Variants in PIP5K1B observed in about 807,000 individuals in gnomAD.
PIP5K1B encodes phosphatidylinositol 4-phosphate 5-kinase type-1 beta.
A neutral mutation model predicts 67.0 loss-of-function variants in PIP5K1B; 42 were observed. The observed-to-expected ratio is 0.63, with a 90% confidence interval of 0.49 to 0.81. The LOEUF (loss-of-function observed/expected upper bound fraction) is 0.81. Ranked by LOEUF, PIP5K1B falls within the 30% of genes least tolerant of loss-of-function variation. PIP5K1B has a pLI of 0.00. For synonymous variants in PIP5K1B, 214 were observed against 231.4 expected (o/e 0.92, Z 0.68); for missense variants, 459 against 646.3 (o/e 0.71, Z 3.14).
In PIP5K1B at chr9:68,960,818, A is replaced by AGGTTAT. The variant is rs1198455586; in HGVS notation, c.1502+20029_1502+20034dup. 2.6e-5 allele frequency among the ~76,000 whole-genome samples: 4 copies of AGGTTAT among 152,166 alleles called. No homozygotes were observed. The South Asian group carries it at 6.2e-4, about 24-fold the overall frequency. ...CATTTTCTAATCCCTGCATAATCTT[A>AGGTTAT]GGTTATTCTAGTTAGCTTTTTTCGA... On this transcript the variant is annotated intron_variant, in intron 14 of 15. Transcript: ENST00000265382.
chr9:68,942,485 GGTAA>G (rs138731592), intron 14 of PIP5K1B, among the ~76,000 whole-genome samples: 1,659 of 152,120 alleles, frequency 0.011, 29 homozygotes, highest in African/African-American at 0.037. Flanking sequence ...TGGTGGTGGT[GGTAA>G]GTATCCAGTC....
intron 4 of PIP5K1B, among the ~76,000 whole-genome samples, chr9:68,851,566 C>A (rs1382165507): frequency 1.3e-5 from 2 of 152,116 alleles, no homozygotes; most frequent in African/African-American, 4.8e-5. Flanking sequence ...CGGGAGTAAC[C>A]GGTTTTAGCT....
At chr9:68,769,084 C>A (rs1830565087) in intron 2 of PIP5K1B, among the ~76,000 whole-genome samples, 1 of 152,062 alleles carries the variant, frequency 6.6e-6, no homozygotes, top group East Asian at 1.9e-4. Flanking sequence ...GTAATGCATC[C>A]CTATTTCCCC....
intron 8 of PIP5K1B, among the ~76,000 whole-genome samples, chr9:68,916,611 C>T (rs1370792297): frequency 1.3e-5 from 2 of 152,124 alleles, no homozygotes; most frequent in African/African-American, 4.8e-5. Flanking sequence ...CGGTGGCTCA[C>T]ACCTGTAATC....
chr9:68,969,705 C>G (rs1159422829), intron 14 of PIP5K1B, among the ~76,000 whole-genome samples: 1 of 152,160 alleles, frequency 6.6e-6, no homozygotes, highest in Non-Finnish European at 1.5e-5. Context: ...TCCTCCCACC[C>G]GAGGCCCTTC....
chr9:68,797,478 G>A (rs115306613), intron 2 of PIP5K1B, among the ~76,000 whole-genome samples: 1,736 of 152,262 alleles, frequency 0.011, 43 homozygotes, highest in African/African-American at 0.039. Flanking sequence ...TGTTGGTGAT[G>A]GTGGTAGTGT....
rs572285863 is a variant in PIP5K1B at position 68,930,042 on chromosome 9, G to A, written c.1202-4848G>A. 1.3e-3 allele frequency among the ~76,000 whole-genome samples: 203 copies of A among 152,288 alleles called. 6 individuals carry two copies. Among genetic ancestry groups the A allele is most frequent in the South Asian group, 1.7e-3 (8 of 4,828 alleles). ...AGTTCTCTGTGAAATAACGCTCTTC[G>A]CTTGTCTTTCGTAACTCAGGACTTC... On this transcript the variant is annotated intron_variant, in intron 12 of 15. Coordinates refer to ENST00000265382, the MANE Select transcript of PIP5K1B (RefSeq NM_003558.4).
chr9:68,750,642 G>A (rs1829577421), intron 2 of PIP5K1B, among the ~76,000 whole-genome samples: 1 of 152,222 alleles, frequency 6.6e-6, no homozygotes, highest in Non-Finnish European at 1.5e-5. Flanking sequence ...AGACACAGCA[G>A]TGAATAAAAT....
intron 2 of PIP5K1B, among the ~76,000 whole-genome samples, chr9:68,793,808 T>C (rs1472667221): frequency 2.0e-5 from 3 of 152,176 alleles, no homozygotes; most frequent in Non-Finnish European, 4.4e-5. Context: ...AAATACACAA[T>C]TGTGAGTCAT....
chr9:68,869,003 A>T (rs1002171211), intron 5 of PIP5K1B, among the ~76,000 whole-genome samples: 5 of 152,262 alleles, frequency 3.3e-5, no homozygotes, highest in Admixed American at 1.3e-4. Context: ...ATAAGCAAAC[A>T]TATATGTCAA....
rs966558199 is a variant in PIP5K1B at position 68,786,546 on chromosome 9, T to C, written c.-85-31915T>C. Reference sequence around the variant, plus strand: ...ACTTTAGCAACTTGCTTTATTTTACTAGTGCTGCTACTTCTGTTTTGAATC... The same window carrying C: ...ACTTTAGCAACTTGCTTTATTTTACCAGTGCTGCTACTTCTGTTTTGAATC... On this transcript the variant is annotated intron_variant, in intron 2 of 15. Coordinates refer to ENST00000265382, the MANE Select transcript of PIP5K1B (RefSeq NM_003558.4). 2.2e-4 allele frequency among the ~76,000 whole-genome samples: 34 copies of C among 152,066 alleles called. 1 individual carries two copies. The highest frequency in any genetic ancestry group is 3.3e-4 in the Admixed American group (5 of 15,274).
At chr9:68,800,994 T>C (rs149281606) in intron 2 of PIP5K1B, among the ~76,000 whole-genome samples, 14 of 152,288 alleles carry the variant, frequency 9.2e-5, no homozygotes, top group African/African-American at 3.1e-4. Flanking sequence ...TCGATCCAAG[T>C]TGCAGGCTTC....
At chr9:68,956,202 G>C (rs1828381986) in intron 14 of PIP5K1B, among the ~76,000 whole-genome samples, 1 of 152,210 alleles carries the variant, frequency 6.6e-6, no homozygotes, top group Non-Finnish European at 1.5e-5. Context: ...CGGGCAAGGT[G>C]GCTCATGCCT....
intron 6 of PIP5K1B, among the ~76,000 whole-genome samples, chr9:68,877,950 T>C (rs1385439563): frequency 1.3e-5 from 2 of 151,928 alleles, no homozygotes; most frequent in Non-Finnish European, 1.5e-5. Context: ...TCCCCTTTCA[T>C]TGAAGCCTCA....
At chr9:68,779,634 C>A (rs2132449510) in intron 2 of PIP5K1B, among the ~76,000 whole-genome samples, 1 of 152,316 alleles carries the variant, frequency 6.6e-6, no homozygotes, top group South Asian at 2.1e-4. Flanking sequence ...TTTCTCCTCC[C>A]CTCCTGGTTC....
intron 8 of PIP5K1B, among the ~76,000 whole-genome samples, chr9:68,906,430 C>T (rs548747749): frequency 6.6e-6 from 1 of 152,264 alleles, no homozygotes; most frequent in African/African-American, 2.4e-5. Context: ...GGAATGTCTC[C>T]CTCCATGAGA....
intron 8 of PIP5K1B, 50 bp downstream of exon 8, chr9:68,894,688 A>G: frequency 2.0e-6 from 3 of 1,524,432 alleles, no homozygotes; most frequent in Non-Finnish European, 2.7e-6. Context: ...TGCTCATGTA[A>G]ACTGTGGCTG....
chr9:68,862,432 G>A (rs1823136629), intron 4 of PIP5K1B, among the ~76,000 whole-genome samples: 1 of 152,098 alleles, frequency 6.6e-6, no homozygotes, highest in Non-Finnish European at 1.5e-5. Flanking sequence ...CGAATTCAGG[G>A]GACACTGCAA....
chr9:68,997,463 G>T (rs10511960), intron 15 of PIP5K1B, among the ~76,000 whole-genome samples: 1 of 152,030 alleles, frequency 6.6e-6, no homozygotes, highest in Non-Finnish European at 1.5e-5. Context: ...ATGCTGCTCG[G>T]GTTTTTGGTA....
Sources: gnomAD v4.1 joint callset for allele counts (sites outside exome capture counted in the v4.1 genomes callset) on GRCh38, gnomAD v4.1.1 for gene constraint, MANE v1.5 for transcripts, NCBI Gene and HGNC (gene_info 2026-07-23, HGNC 2026-07-21) for gene names.